LARGE1: variants seen among roughly 807,000 people sequenced by gnomAD.
LARGE1 encodes the protein LARGE xylosyl- and glucuronyltransferase 1, also known as xylosyl- and glucuronyltransferase LARGE1.
In LARGE1, 43 loss-of-function variants were observed where a neutral mutation model predicts 87.6. The ratio of observed to expected loss-of-function variants is 0.49; its 90% confidence interval spans 0.38 to 0.63. The LOEUF is 0.63. Among genes scored for constraint, LARGE1 ranks in the 30% least tolerant of loss-of-function variants. The pLI, the probability that LARGE1 is intolerant of heterozygous loss-of-function variation, is 0.00. For missense variants in LARGE1, 802 were observed against 1,000.2 expected, an observed-to-expected ratio of 0.80 and a Z score of 2.67; for synonymous variants, 434 against 394.6, an observed-to-expected ratio of 1.10 and a Z score of -1.18.
At chr22:33,671,701 C>G (rs529717370) in intron 2 of LARGE1, among the ~76,000 whole-genome samples, 5 of 152,178 alleles carry the variant, frequency 3.3e-5, no homozygotes, top group Non-Finnish European at 5.9e-5. Flanking sequence ...TTATGTTGTC[C>G]TTTCTCTTAA....
rs118133011 is a variant in LARGE1 at position 33,704,225 on chromosome 22, G to T, written c.107-53557C>A. ...AAAGGAATATGGAAGGCTATTTTAT[G>T]CCTCCAAATCCCACTCTAATGTTCT... is the stretch of plus-strand genomic sequence containing the variant. On this transcript the variant is annotated intron_variant, in intron 2 of 14. Transcript: ENST00000397394. 9.0e-3 allele frequency among the ~76,000 whole-genome samples: 1,378 copies of T among 152,284 alleles called. 13 individuals are homozygous for T. Among genetic ancestry groups the T allele is most frequent in the Non-Finnish European group, 0.014 (957 of 68,022 alleles).
intron 2 of LARGE1, among the ~76,000 whole-genome samples, chr22:33,686,964 A>G (rs981504587): frequency 1.9e-4 from 29 of 152,164 alleles, no homozygotes; most frequent in Non-Finnish European, 1.0e-4. Flanking sequence ...TCTCCTTGCT[A>G]GCATCTGTGA....
At chr22:33,755,140 A>G (rs2084463100) in intron 2 of LARGE1, among the ~76,000 whole-genome samples, 1 of 152,202 alleles carries the variant, frequency 6.6e-6, no homozygotes, top group African/African-American at 2.4e-5. Context: ...GTTGAAATTT[A>G]CTGTGACAAC....
At chr22:33,197,773 C>T (rs1362746322) in intron 11 of LARGE1, among the ~76,000 whole-genome samples, 1 of 152,098 alleles carries the variant, frequency 6.6e-6, no homozygotes. Flanking sequence ...TTCAGAGGCA[C>T]TGATAATCTA....
At chr22:33,469,267 G>C (rs2068734631) in intron 6 of LARGE1, among the ~76,000 whole-genome samples, 1 of 152,086 alleles carries the variant, frequency 6.6e-6, no homozygotes, top group Non-Finnish European at 1.5e-5. Flanking sequence ...AATAGCAAAG[G>C]CATGGAATCA....
chr22:33,845,020 A>C (rs1365935096), intron 1 of LARGE1, among the ~76,000 whole-genome samples: 1 of 151,626 alleles, frequency 6.6e-6, no homozygotes, highest in African/African-American at 2.4e-5. Flanking sequence ...GCCTGGCCTC[A>C]AACTTTTCTT....
At chr22:33,422,744 C>T (rs2066736738) in intron 7 of LARGE1, among the ~76,000 whole-genome samples, 1 of 152,072 alleles carries the variant, frequency 6.6e-6, no homozygotes, top group Admixed American at 6.5e-5. Context: ...CTCCTGACCT[C>T]ATGATCCTCT....
chr22:33,761,452 G>A lies in LARGE1; in HGVS notation c.25C>T (p.Arg9Trp), dbSNP rs369251728. 18 of 1,613,726 alleles carry A rather than the reference G, an allele frequency of 1.1e-5. No individual in the cohort carries two copies. The highest frequency in any genetic ancestry group is 2.7e-5 in the African/African-American group (2 of 74,830). ...CTCAACGAGGCAGCCAAGAATTTCC[G>A]TCTCCCCCTGCAGATTCCCAGCATC... The part of the protein sequence containing the change: MLGICRGR[R>W]KFLAASLSLL... Residue 9 changes from arginine (R) to tryptophan (W), a missense_variant, in exon 2 of 15, where the codon CGG (arginine) becomes TGG (tryptophan). By Grantham distance (101) the Arg-to-Trp change is moderately radical (BLOSUM62 -3). Around this residue, in one of 2 missense-constraint regions of LARGE1, gnomAD observed 177 missense variants for 158.3 expected, o/e 1.12. Coordinates refer to ENST00000397394, the MANE Select transcript of LARGE1 (RefSeq NM_133642.5).
At chr22:33,067,568 T>C in the LARGE1 span, among the ~76,000 whole-genome samples, 3 of 152,296 alleles carry the variant, frequency 2.0e-5, no homozygotes, top group South Asian at 4.2e-4. Context: ...TAGAGATGTA[T>C]GGGCTCAGAG....
chr22:33,617,562 G>A (rs1311137176), intron 4 of LARGE1, among the ~76,000 whole-genome samples: 2 of 152,126 alleles, frequency 1.3e-5, no homozygotes, highest in African/African-American at 4.8e-5. Flanking sequence ...AGTCTTTTAT[G>A]CCAGCTACCA....
intron 2 of LARGE1, among the ~76,000 whole-genome samples, chr22:33,738,722 G>A (rs1243932268): frequency 6.6e-6 from 1 of 152,072 alleles, no homozygotes; most frequent in Admixed American, 6.6e-5. Context: ...GCAGGAGCCT[G>A]TAGTCCCAGC....
intron 2 of LARGE1, among the ~76,000 whole-genome samples, chr22:33,664,278 AC>A (rs2081208343): frequency 6.6e-6 from 1 of 151,850 alleles, no homozygotes; most frequent in South Asian, 2.1e-4. Context: ...CACCTCCAAA[AC>A]CTTCTGCTTC....
At chr22:33,834,337 G>A (rs1034738516) in intron 1 of LARGE1, among the ~76,000 whole-genome samples, 11 of 152,144 alleles carry the variant, frequency 7.2e-5, no homozygotes, top group South Asian at 2.1e-4. Flanking sequence ...TGACCTGCAC[G>A]TATACATCCA....
At chr22:33,204,756 C>T (rs1288757711) in intron 11 of LARGE1, among the ~76,000 whole-genome samples, 1 of 152,032 alleles carries the variant, frequency 6.6e-6, no homozygotes, top group African/African-American at 2.4e-5. Context: ...GGCCATTCCT[C>T]AACTGTGTTC....
At chr22:33,441,312 G>A (rs1435836041) in intron 6 of LARGE1, among the ~76,000 whole-genome samples, 1 of 152,046 alleles carries the variant, frequency 6.6e-6, no homozygotes, top group Non-Finnish European at 1.5e-5. Flanking sequence ...GACCTCAGGT[G>A]ATCCGCCCAC....
At chr22:33,516,307 T>C (rs949285407) in intron 6 of LARGE1, among the ~76,000 whole-genome samples, 1 of 151,870 alleles carries the variant, frequency 6.6e-6, no homozygotes, top group African/African-American at 2.4e-5. Flanking sequence ...CGGGCTGAAA[T>C]AGTGTGAGGA....
intron 1 of LARGE1, among the ~76,000 whole-genome samples, chr22:33,812,958 C>G (rs2086542693): frequency 6.6e-6 from 1 of 152,170 alleles, no homozygotes; most frequent in Non-Finnish European, 1.5e-5. Context: ...TGTTTGCTTT[C>G]TGGTTTTCTC....
At chr22:33,492,057 A>G (rs931862786) in intron 6 of LARGE1, among the ~76,000 whole-genome samples, 14 of 152,242 alleles carry the variant, frequency 9.2e-5, no homozygotes, top group African/African-American at 3.4e-4. Context: ...GGGTGCCAGA[A>G]TAGTGTTGAA....
chr22:33,689,891 C>T (rs543646373), intron 2 of LARGE1, among the ~76,000 whole-genome samples: 17 of 151,926 alleles, frequency 1.1e-4, no homozygotes, highest in South Asian at 1.0e-3. Context: ...GGTGCCATTG[C>T]ACTCCAGCCT....
Sources: allele counts gnomAD v4.1 joint callset (sites outside exome capture counted in the v4.1 genomes callset), GRCh38; gene constraint gnomAD v4.1.1; regional missense constraint gnomAD v4.1.1; transcripts MANE v1.5; gene names NCBI Gene and HGNC (gene_info 2026-07-23, HGNC 2026-07-21).